Variants in PERM1 observed in about 807,000 individuals in gnomAD.
PERM1 encodes the protein PPARGC1 and ESRR induced regulator, muscle 1.
Under a neutral mutation model 44.1 loss-of-function variants are expected in PERM1, and 45 were observed. The ratio of observed to expected loss-of-function variants is 1.02; its 90% CI spans 0.80 to 1.31. The LOEUF is 1.31. Among genes scored for constraint, PERM1 ranks in the 50% most tolerant of loss-of-function variants. PERM1 has a pLI of 0.00. For missense variants in PERM1, 1,189 were observed against 1,106.9 expected (o/e 1.07, Z -1.05); for synonymous variants, 565 against 477.1 (o/e 1.18, Z -2.40).
chr1:978,928 A>AG lies in PERM1; in HGVS notation c.2101dup (p.Leu701ProfsTer14), dbSNP rs1027749048. On this transcript the variant is annotated frameshift_variant, in exon 1 of 3. Coordinates refer to ENST00000433179, the Ensembl canonical transcript of PERM1. LOFTEE classifies it high-confidence loss of function. ...GAGCCGCTCTACCACGGCTGGCTTGAGGGGGGTCCCAGGCCCCGCCCCCTC... is the reference window on the plus strand; with the variant it reads ...GAGCCGCTCTACCACGGCTGGCTTGAGGGGGGGTCCCAGGCCCCGCCCCCTC... 8 of 1,507,392 alleles carry AG rather than the reference A, an allele frequency of 5.3e-6. No individual in the cohort carries two copies. The highest frequency in any genetic ancestry group is 1.4e-5 in the African/African-American group (1 of 71,590). 93.4% of individuals were successfully genotyped at this position (1,507,392 alleles called of 1,614,324 possible).
upstream of PERM1, chr1:981,121 C>G (rs548070841): frequency 3.2e-4 from 492 of 1,549,184 alleles, no homozygotes; most frequent in Non-Finnish European, 4.1e-4. Flanking sequence ...CACATGCCGC[C>G]CCTGCCCCAC....
rs1486372001 is a variant in PERM1, at chr1:980,684, C to T, written c.346G>A (p.Gly116Ser). 8.4e-6 allele frequency: 12 copies of T among 1,424,034 alleles called. No individual in the cohort carries two copies. In the African/African-American group the frequency reaches 8.6e-5, roughly 10 times the overall value. 88.2% of individuals were successfully genotyped at this position (1,424,034 alleles called of 1,614,324 possible). A position where few individuals can be genotyped will look rare whatever the true frequency, so the allele number is the denominator to read the frequency against. The stretch of plus-strand genomic sequence containing the variant: ...TGGCTGGGAGGGCTGGCGCCGGGGC[C>T]GAGGGACGGTGGAGCTTCTGCCCGT... Residue 116 changes from glycine (G) to serine (S), a missense_variant, in exon 1 of 3, where the codon GGC (glycine) becomes AGC (serine). Around this residue, in one of 3 missense-constraint regions of PERM1, gnomAD observed 274 missense variants for 317.9 expected, o/e 0.86. Coordinates refer to ENST00000433179, the Ensembl canonical transcript of PERM1.
In PERM1 at chr1:975,870, C is replaced by T. The variant is rs1643582307; in HGVS notation, c.*302G>A. 9 of 390,010 alleles carry T rather than the reference C, an allele frequency of 2.3e-5. No homozygotes were observed. The South Asian group carries it at 4.2e-4, about 18-fold the overall frequency. The allele number at this position is 390,010 out of a possible 1,614,324, so 24.2% of individuals were successfully genotyped here. ...AGTAAAATGACCTCCCCACTATTGC[C>T]TGTCTGAAATTAACCGAATGCCCTG... On this transcript the variant is annotated 3_prime_UTR_variant, in exon 3 of 3. Coordinates refer to ENST00000433179, the Ensembl canonical transcript of PERM1.
chr1:976,153 C>T, exon 3 of PERM1: 4 of 1,545,482 alleles, frequency 2.6e-6, no homozygotes, highest in South Asian at 1.2e-5. Flanking sequence ...CCTGCATCTC[C>T]CTGGCCCGGG....
Position 976,231 on chromosome 1 carries a change from A to AGC in PERM1, c.2312_2313dup (p.Tyr772AlafsTer73). 3 of 1,538,000 alleles carry AGC rather than the reference A, an allele frequency of 2.0e-6. No homozygotes were observed. Among genetic ancestry groups the AGC allele is most frequent in the Non-Finnish European group, 2.6e-6 (3 of 1,141,860 alleles). ...CCTTGCCCCACCTGCCGGCGGAAGT[A>AGC]GCGGATGGCAGAGATGGTGCCGACG... is the stretch of plus-strand genomic sequence containing the variant. On this transcript the variant is annotated frameshift_variant, in exon 3 of 3. Coordinates refer to ENST00000433179, the Ensembl canonical transcript of PERM1. LOFTEE classifies it high-confidence loss of function.
exon 1 of PERM1, chr1:980,756 G>T: frequency 7.1e-7 from 1 of 1,407,940 alleles, no homozygotes; most frequent in Non-Finnish European, 9.2e-7. Flanking sequence ...GCCAAGACAG[G>T]CTCACCCTGA....
chr1:978,927 G>C, exon 1 of PERM1: 1 of 1,507,578 alleles, frequency 6.6e-7, no homozygotes, highest in Non-Finnish European at 8.9e-7. Context: ...CGGCTGGCTT[G>C]AGGGGGGTCC....
chr1:980,979 C>T (rs939349047), exon 1 of PERM1: 34 of 1,480,586 alleles, frequency 2.3e-5, no homozygotes, highest in African/African-American at 2.9e-5. Context: ...TGGCTGAGAA[C>T]TCGGCCCAGT....
Position 978,878 on chromosome 1 carries a change from T to G in PERM1, c.2149+3A>C. 3 of 1,479,556 alleles carry G rather than the reference T, an allele frequency of 2.0e-6. No individual in the cohort carries two copies. The highest frequency in any genetic ancestry group is 2.7e-6 in the Non-Finnish European group (3 of 1,111,212). The allele number at this position is 1,479,556 out of a possible 1,614,324, so 91.7% of individuals were successfully genotyped here. On this transcript the variant is annotated splice_donor_region_variant and intron_variant, in intron 1 of 2. Coordinates refer to ENST00000433179, the Ensembl canonical transcript of PERM1. Reference sequence around the variant, plus strand: ...ACGGGCTGTGGGATCCGAGAGCACGTACCTGCCCGTCTAAGAGCCAGGTGG... The same window carrying G: ...ACGGGCTGTGGGATCCGAGAGCACGGACCTGCCCGTCTAAGAGCCAGGTGG...
At chr1:976,079 G>A (rs921299541) in exon 3 of PERM1, 22 of 1,281,576 alleles carry the variant, frequency 1.7e-5, no homozygotes, top group Admixed American at 1.3e-4. Context: ...GAAGAGAGGG[G>A]TCAGAGGGCC....
chr1:979,758 C>T (rs766058564), exon 1 of PERM1: 2 of 1,550,348 alleles, frequency 1.3e-6, no homozygotes, highest in South Asian at 1.2e-5. Flanking sequence ...ATGAAGCCAC[C>T]TCTAGCTTAG....
chr1:979,748 A>C (rs1643736594), exon 1 of PERM1: 1 of 1,550,144 alleles, frequency 6.5e-7, no homozygotes, highest in African/African-American at 1.4e-5. Context: ...ACAGGTGGAG[A>C]TGAAGCCACC....
upstream of PERM1, chr1:981,924 G>C (rs544965862): frequency 3.2e-6 from 2 of 619,252 alleles, no homozygotes. Flanking sequence ...TGGTGGGGAC[G>C]GTCCTGAGAC....
intron 1 of PERM1, 146 bp downstream of exon 2, chr1:978,735 A>G: frequency 1.4e-6 from 1 of 723,634 alleles, no homozygotes; most frequent in Non-Finnish European, 2.1e-6. Flanking sequence ...GTGTGCTGGG[A>G]TGACTGGGGG....
intron 1 of PERM1, 95 bp downstream of exon 2, chr1:978,786 G>T: frequency 8.2e-7 from 1 of 1,219,194 alleles, no homozygotes; most frequent in Non-Finnish European, 1.1e-6. Flanking sequence ...ACCCAAGCCC[G>T]GCCTGCCCGG....
In PERM1 at chr1:978,961, GA is replaced by G. The variant is rs1643701711; in HGVS notation, c.2068del (p.Ser690ArgfsTer17). The G allele has an allele frequency of 6.6e-7, 1 of 1,506,966 alleles. No individual in the cohort carries two copies. The allele number at this position is 1,506,966 out of a possible 1,614,324, so 93.3% of individuals were successfully genotyped here. On this transcript the variant is annotated frameshift_variant, in exon 1 of 3. Coordinates refer to ENST00000433179, the Ensembl canonical transcript of PERM1. LOFTEE classifies it high-confidence loss of function. Reference sequence around the variant, plus strand: ...CCCAGGCCCCGCCCCCTCGGAGGCCGACCGGGGAGGCTCCAGGGCCTGCAGT... The same window carrying G: ...CCCAGGCCCCGCCCCCTCGGAGGCCGCCGGGGAGGCTCCAGGGCCTGCAGT...
In PERM1 at chr1:978,899, G is replaced by T. The variant is rs1402507404; in HGVS notation, c.2131C>A (p.Leu711Met). Residue 711 changes from leucine (L) to methionine (M), a missense_variant, in exon 1 of 3, where the codon CTG becomes ATG. Physicochemically the swap from Leu to Met is conservative, Grantham distance 15. Around this residue, in one of 3 missense-constraint regions of PERM1, gnomAD observed 900 missense variants for 760.4 expected, o/e 1.18. Coordinates refer to ENST00000433179, the Ensembl canonical transcript of PERM1. ...CACGTACCTGCCCGTCTAAGAGCCA[G>T]GTGGAGCCGCTCTACCACGGCTGGC... 2.0e-6 allele frequency: 3 copies of T among 1,497,994 alleles called. No homozygotes were observed. The African/African-American group carries it at 4.2e-5, about 21-fold the overall frequency. The allele number at this position is 1,497,994 out of a possible 1,614,324, so 92.8% of individuals were successfully genotyped here. A position where few individuals can be genotyped will look rare whatever the true frequency, so the allele number is the denominator to read the frequency against.
chr1:979,347 G>A (rs181798425), exon 1 of PERM1: 3 of 1,517,642 alleles, frequency 2.0e-6, no homozygotes, highest in Non-Finnish European at 2.7e-6. Flanking sequence ...AGGGAGGGGG[G>A]CGAGGCAGGT....
chr1:976,246 T>C (rs1490822677), exon 3 of PERM1: 1 of 1,533,572 alleles, frequency 6.5e-7, no homozygotes, highest in East Asian at 2.5e-5. Context: ...ATGGCAGAGA[T>C]GGTGCCGACG....
Sources: allele counts gnomAD v4.1 joint callset, GRCh38; gene constraint gnomAD v4.1.1; regional missense constraint gnomAD v4.1.1; transcripts MANE v1.5; gene names NCBI Gene and HGNC (gene_info 2026-07-23, HGNC 2026-07-21).